Variants in IL36A observed in about 807,000 individuals in gnomAD.
IL36A encodes interleukin 36 alpha.
IL36A carries 13 observed loss-of-function variants against 12.7 expected under a neutral mutation model. The ratio of observed to expected loss-of-function variants is 1.02; its 90% CI spans 0.67 to 1.63. IL36A has a LOEUF of 1.63. Ranked by LOEUF, IL36A falls within the 40% of genes most tolerant of loss-of-function variation. IL36A has a pLI of 0.00. For synonymous variants in IL36A, 73 were observed against 71.9 expected, an observed-to-expected ratio of 1.01 and a Z score of -0.08; for missense variants, 195 against 192.9, an observed-to-expected ratio of 1.01 and a Z score of -0.07.
intron 2 of IL36A, 45 bp downstream of exon 2, chr2:113,006,132 T>A (rs775920306): frequency 2.4e-6 from 3 of 1,252,698 alleles, no homozygotes; most frequent in South Asian, 2.4e-5. Flanking sequence ...TGGCCAGTGC[T>A]GTTGTGTGTT....
chr2:113,007,271 T>C (rs1684642482), intron 3 of IL36A, among the ~76,000 whole-genome samples: 1 of 151,886 alleles, frequency 6.6e-6, no homozygotes, highest in African/African-American at 2.4e-5. Context: ...CAGCCAGGGG[T>C]GATATTGCTC....
Position 113,006,503 on chromosome 2 carries a change from G to A in IL36A, c.125-95G>A, listed in dbSNP as rs1030995472. On this transcript the variant is annotated intron_variant, in intron 2 of 3. Transcript: ENST00000259211. ...GAGGTGACCATTCTATGAGTGCACT[G>A]TGAGTGTCAGTTAGCAGATTCCCTT... The A allele has an allele frequency of 4.3e-6, 6 of 1,389,470 alleles. No homozygotes were observed. The African/African-American group carries it at 5.7e-5, about 13-fold the overall frequency. 86.1% of individuals were successfully genotyped at this position (1,389,470 alleles called of 1,614,324 possible).
chr2:113,005,791 A>G lies in IL36A; in HGVS notation c.-81A>G, dbSNP rs1276154470. Reference sequence around the variant, plus strand: ...ACCCAGGGTTAAACTGTGGCTTGGGACTGACTCAGGTCCTCTCTTGGGGTC... The same window carrying G: ...ACCCAGGGTTAAACTGTGGCTTGGGGCTGACTCAGGTCCTCTCTTGGGGTC... On this transcript the variant is annotated 5_prime_UTR_variant, in exon 1 of 4. Coordinates refer to ENST00000259211, the MANE Select transcript of IL36A (RefSeq NM_014440.3). 6.6e-7 allele frequency: 1 copy of G among 1,503,872 alleles called. No individual in the cohort carries two copies. The highest frequency in any genetic ancestry group is 1.4e-5 in the African/African-American group (1 of 72,856). The allele number at this position is 1,503,872 out of a possible 1,614,324, so 93.2% of individuals were successfully genotyped here.
Position 113,005,459 on chromosome 2 carries a change from A to G in IL36A, c.-413A>G. 4.1e-6 allele frequency: 1 copy of G among 244,174 alleles called. No homozygotes were observed. 15.1% of individuals were successfully genotyped at this position (244,174 alleles called of 1,614,324 possible). A position where few individuals can be genotyped will look rare whatever the true frequency, so the allele number is the denominator to read the frequency against. ...GGCCTGGGCCCTGTTACAGCCTGTC[A>G]GAAAACCCAAGTGCAGTAGAAGCCA... On this transcript the variant is annotated 5_prime_UTR_variant, in exon 1 of 4. Transcript: ENST00000259211.
In IL36A at chr2:113,007,839, A is replaced by T. The variant is rs756718478; in HGVS notation, c.272A>T (p.Asp91Val). The change falls in exon 4 of 4, where the codon GAT becomes GTT. Residue 91 changes from aspartate (D) to valine (V), a missense_variant. Coordinates refer to ENST00000259211, the MANE Select transcript of IL36A (RefSeq NM_014440.3). ...DQPTLQLKEKDIMDLYNQPEP... is the reference protein window; with the variant it reads ...DQPTLQLKEKVIMDLYNQPEP... ...CTCCTTCGCACCCTTCAGGAAAAGG[A>T]TATAATGGATTTGTACAACCAACCC... 2.5e-6 allele frequency: 4 copies of T among 1,613,744 alleles called. No homozygotes were observed. In the Admixed American group the frequency reaches 6.7e-5, roughly 27 times the overall value.
chr2:113,007,272 G>A (rs994577897), intron 3 of IL36A, among the ~76,000 whole-genome samples: 14 of 152,154 alleles, frequency 9.2e-5, no homozygotes, highest in African/African-American at 2.9e-4. Flanking sequence ...AGCCAGGGGT[G>A]ATATTGCTCC....
At position 113,005,861 on chromosome 2, in the gene IL36A, A is replaced by C. The variant is rs577725399; in HGVS notation, c.-11A>C. The C allele has an allele frequency of 2.4e-5, 39 of 1,614,120 alleles. 1 individual carries two copies. The East Asian group carries it at 6.5e-4, about 27-fold the overall frequency. On this transcript the variant is annotated 5_prime_UTR_variant, in exon 1 of 4. Transcript: ENST00000259211. ...TCCTATCCTTGGCAGTTCTGAAACA[A>C]CACCACCACAATGGAAAAAGGTAAA...
intron 2 of IL36A, 87 bp downstream of exon 2, chr2:113,006,174 G>C: frequency 2.4e-6 from 2 of 839,216 alleles, no homozygotes; most frequent in Admixed American, 1.9e-5. Flanking sequence ...CAGTGGGCTT[G>C]TTAACCGGGC....
chr2:113,005,699 G>A lies in IL36A; in HGVS notation c.-173G>A. ...CTGCATCCAACAAAGTAAGGGTGCT[G>A]GGTGAGTTCTGGGAGTATAGATTCT... On this transcript the variant is annotated 5_prime_UTR_variant, in exon 1 of 4. Transcript: ENST00000259211. 1.4e-6 allele frequency: 1 copy of A among 696,662 alleles called. No homozygotes were observed. The highest frequency in any genetic ancestry group is 1.7e-5 in the South Asian group (1 of 58,628). 43.2% of individuals were successfully genotyped at this position (696,662 alleles called of 1,614,324 possible). A position where few individuals can be genotyped will look rare whatever the true frequency, so the allele number is the denominator to read the frequency against.
In IL36A at chr2:113,005,755, T is replaced by A; in HGVS notation, c.-117T>A. ...GGGTCACTGCTGGGCTGGCCGCCAGTCTTTCATCTGACCCAGGGTTAAACT... is the reference window on the plus strand; with the variant it reads ...GGGTCACTGCTGGGCTGGCCGCCAGACTTTCATCTGACCCAGGGTTAAACT... On this transcript the variant is annotated 5_prime_UTR_variant, in exon 1 of 4. Coordinates refer to ENST00000259211, the MANE Select transcript of IL36A (RefSeq NM_014440.3). 4 of 1,136,058 alleles carry A rather than the reference T, an allele frequency of 3.5e-6. No individual in the cohort carries two copies. Among genetic ancestry groups the A allele is most frequent in the Non-Finnish European group, 5.4e-6 (4 of 744,638 alleles). The allele number at this position is 1,136,058 out of a possible 1,614,324, so 70.4% of individuals were successfully genotyped here. A position where few individuals can be genotyped will look rare whatever the true frequency, so the allele number is the denominator to read the frequency against.
In IL36A at chr2:113,005,837, C is replaced by A. The variant is rs765575924; in HGVS notation, c.-35C>A. 2.5e-6 allele frequency: 4 copies of A among 1,613,790 alleles called. No homozygotes were observed. In the East Asian group the frequency reaches 8.9e-5, roughly 36 times the overall value. ...GGGTCGGTCTGCACATAAAAGGACT[C>A]CTATCCTTGGCAGTTCTGAAACAAC... On this transcript the variant is annotated 5_prime_UTR_variant, in exon 1 of 4. Transcript: ENST00000259211.
In IL36A at chr2:113,005,864, C is replaced by A. The variant is rs1684603692; in HGVS notation, c.-8C>A. On this transcript the variant is annotated 5_prime_UTR_variant, in exon 1 of 4. Coordinates refer to ENST00000259211, the MANE Select transcript of IL36A (RefSeq NM_014440.3). ...TATCCTTGGCAGTTCTGAAACAACA[C>A]CACCACAATGGAAAAAGGTAAAGAT... 3.1e-6 allele frequency: 5 copies of A among 1,613,944 alleles called. No homozygotes were observed. Among genetic ancestry groups the A allele is most frequent in the African/African-American group, 1.3e-5 (1 of 74,890 alleles).
downstream of IL36A, among the ~76,000 whole-genome samples, chr2:113,010,946 C>G (rs974176504): frequency 6.6e-6 from 1 of 152,132 alleles, no homozygotes. Context: ...TTTCAGATAT[C>G]GTATCTGTAA....
downstream of IL36A, among the ~76,000 whole-genome samples, chr2:113,009,226 G>T (rs1159594969): frequency 6.6e-6 from 1 of 151,224 alleles, no homozygotes; most frequent in Non-Finnish European, 1.5e-5. Context: ...ATCGTTGTTG[G>T]ACATTTAGGT....
chr2:113,005,732 G>T lies in IL36A; in HGVS notation c.-140G>T, dbSNP rs140348496. 2 of 876,772 alleles carry T rather than the reference G, an allele frequency of 2.3e-6. No homozygotes were observed. Among genetic ancestry groups the T allele is most frequent in the Middle Eastern group, 2.5e-4 (1 of 4,006 alleles). The allele number at this position is 876,772 out of a possible 1,614,324, so 54.3% of individuals were successfully genotyped here. A position where few individuals can be genotyped will look rare whatever the true frequency, so the allele number is the denominator to read the frequency against. ...TCTGGGAGTATAGATTCTGACTGGG[G>T]TCACTGCTGGGCTGGCCGCCAGTCT... On this transcript the variant is annotated 5_prime_UTR_variant, in exon 1 of 4. Coordinates refer to ENST00000259211, the MANE Select transcript of IL36A (RefSeq NM_014440.3).
intron 3 of IL36A, among the ~76,000 whole-genome samples, chr2:113,007,485 T>C (rs1048745251): frequency 1.3e-5 from 2 of 152,204 alleles, no homozygotes; most frequent in African/African-American, 4.8e-5. Flanking sequence ...AAATAACTGT[T>C]TTAATTTGAA....
chr2:113,005,938 C>A, intron 1 of IL36A, 36 bp from the exon 2 acceptor site: 1 of 1,612,078 alleles, frequency 6.2e-7, no homozygotes, highest in Non-Finnish European at 8.5e-7. Flanking sequence ...TCTGTGCTCT[C>A]ATTCTTACTA....
chr2:113,006,080 G>A lies in IL36A; in HGVS notation c.117G>A (p.Met39Ile). ...TAGCAGTCCCGAGGAAGGACCGTAT[G>A]TCTCCAGGTGAGTAGCCACGGTCTG... ...TLIAVPRKDR[M>I]SPVTIALISC... The change falls in exon 2 of 4, where the codon ATG becomes ATA. Residue 39 changes from methionine to isoleucine, a missense_variant. Met to Ile is a conservative substitution (Grantham distance 10). Transcript: ENST00000259211. 1 of 1,606,602 alleles carries A rather than the reference G, an allele frequency of 6.2e-7. No individual in the cohort carries two copies. The highest frequency in any genetic ancestry group is 8.5e-7 in the Non-Finnish European group (1 of 1,173,178).
Position 113,007,893 on chromosome 2 carries a change from A to G in IL36A, c.326A>G (p.His109Arg). The G allele has an allele frequency of 6.2e-7, 1 of 1,614,154 alleles. No homozygotes were observed. Among genetic ancestry groups the G allele is most frequent in the Non-Finnish European group, 8.5e-7 (1 of 1,180,010 alleles). ...PEPVKSFLFY[H>R]SQSGRNSTFE... ...CCTGTGAAGTCCTTTCTCTTCTACC[A>G]CAGCCAGAGTGGCAGGAACTCCACC... The change falls in exon 4 of 4, where the codon CAC (histidine) becomes CGC (arginine). Residue 109 changes from histidine to arginine, a missense_variant. Coordinates refer to ENST00000259211, the MANE Select transcript of IL36A (RefSeq NM_014440.3).
Sources: allele counts gnomAD v4.1 joint callset (sites outside exome capture counted in the v4.1 genomes callset), GRCh38; gene constraint gnomAD v4.1.1; transcripts MANE v1.5; gene names NCBI Gene and HGNC (gene_info 2026-07-23, HGNC 2026-07-21).